Variants in RNF10 observed in about 807,000 individuals in gnomAD.
The protein encoded by RNF10 is E3 ubiquitin-protein ligase RNF10.
Under a neutral mutation model 91.4 loss-of-function variants are expected in RNF10, and 38 were observed. The observed-to-expected ratio is 0.42, with a 90% confidence interval of 0.32 to 0.54. RNF10 has a LOEUF of 0.54. Ranked by LOEUF, RNF10 falls within the 20% of genes least tolerant of loss-of-function variation. The pLI is 0.16. For synonymous variants in RNF10, 364 were observed against 366.3 expected, an observed-to-expected ratio of 0.99 and a Z score of 0.07; for missense variants, 945 against 1,012.0, an observed-to-expected ratio of 0.93 and a Z score of 0.90.
At position 120,536,647 on chromosome 12, in the gene RNF10, A is replaced by G. The variant is rs368186683; in HGVS notation, c.157+1679A>G. Among the ~76,000 whole-genome samples, 31 of 152,292 alleles carry G rather than the reference A, an allele frequency of 2.0e-4. No homozygotes were observed. In the South Asian group the frequency reaches 3.5e-3, roughly 17 times the overall value. ...GCGTAGCTTTGCCATAGATCCCTCAAAAGATAGAAGGTAACCAGTCCTTTT... is the reference window on the plus strand; with the variant it reads ...GCGTAGCTTTGCCATAGATCCCTCAGAAGATAGAAGGTAACCAGTCCTTTT... On this transcript the variant is annotated intron_variant, in intron 1 of 16. Coordinates refer to ENST00000325954, the MANE Select transcript of RNF10 (RefSeq NM_014868.5).
Position 120,557,572 on chromosome 12 carries a change from A to G in RNF10, c.857A>G (p.Tyr286Cys). 1.2e-6 allele frequency: 2 copies of G among 1,614,214 alleles called. No individual in the cohort carries two copies. The highest frequency in any genetic ancestry group is 1.7e-6 in the Non-Finnish European group (2 of 1,180,024). The change falls in exon 6 of 17, where the codon TAT becomes TGT. Residue 286 changes from tyrosine to cysteine, a missense_variant. Coordinates refer to ENST00000325954, the MANE Select transcript of RNF10 (RefSeq NM_014868.5). ...GTTGTTGCCACAGAGTCACATCAGT[A>G]TGTTGTTGGTGATACCATTACGATG... is the stretch of plus-strand genomic sequence containing the variant. ...KSVVATESHQ[Y>C]VVGDTITMQL... is the part of the protein sequence containing the mutation.
At chr12:120,542,934 A>G (rs1381074219) in intron 1 of RNF10, among the ~76,000 whole-genome samples, 2 of 152,092 alleles carry the variant, frequency 1.3e-5, no homozygotes, top group Admixed American at 1.3e-4. Context: ...TGTTTCTGTG[A>G]CTGTTCTGTT....
At position 120,557,427 on chromosome 12, in the gene RNF10, C is replaced by T. The variant is rs993702243; in HGVS notation, c.791C>T (p.Pro264Leu). The change falls in exon 5 of 17, where the codon CCC (proline) becomes CTC (leucine). Residue 264 changes from proline to leucine, a missense_variant. Coordinates refer to ENST00000325954, the MANE Select transcript of RNF10 (RefSeq NM_014868.5). ...SLSEKTWSKC[P>L]ICYSSVHKKD... ...AGTGAGAAGACGTGGAGTAAATGTC[C>T]CATCTGTTACAGTTCTGTGCATAAG... 6.2e-7 allele frequency: 1 copy of T among 1,614,056 alleles called. No individual in the cohort carries two copies. The highest frequency in any genetic ancestry group is 8.5e-7 in the Non-Finnish European group (1 of 1,180,022).
chr12:120,563,673 G>A, intron 9 of RNF10, 50 bp downstream of exon 9: 1 of 1,569,252 alleles, frequency 6.4e-7, no homozygotes, highest in Non-Finnish European at 8.6e-7. Flanking sequence ...TGTTTCAGAG[G>A]TGACCCGGTG....
At chr12:120,538,048 A>G (rs1207775985) in intron 1 of RNF10, among the ~76,000 whole-genome samples, 1 of 152,186 alleles carries the variant, frequency 6.6e-6, no homozygotes, top group Non-Finnish European at 1.5e-5. Flanking sequence ...GCTCCGCATA[A>G]TCCCATAAAA....
intron 6 of RNF10, among the ~76,000 whole-genome samples, chr12:120,558,369 A>C (rs1162627113): frequency 6.6e-6 from 1 of 151,986 alleles, no homozygotes; most frequent in Non-Finnish European, 1.5e-5. Flanking sequence ...TTTGGGTGGT[A>C]AATGTGTGTG....
intron 2 of RNF10, among the ~76,000 whole-genome samples, chr12:120,547,559 G>A (rs1872511867): frequency 6.6e-6 from 1 of 152,152 alleles, no homozygotes; most frequent in Non-Finnish European, 1.5e-5. Context: ...CTCCCAAAGT[G>A]CTGGGATTAC....
At chr12:120,563,252 C>G in intron 8 of RNF10, 95 bp from the exon 9 acceptor site, 1 of 1,494,904 alleles carries the variant, frequency 6.7e-7, no homozygotes, top group Admixed American at 1.9e-5. Context: ...CTAAGATAAA[C>G]ATCTAGGGAG....
chr12:120,557,132 G>T, intron 4 of RNF10, 150 bp from the exon 5 acceptor site: 8 of 626,714 alleles, frequency 1.3e-5, no homozygotes, highest in Non-Finnish European at 1.9e-5. Flanking sequence ...TACCTACGTT[G>T]TAAACAATTT....
intron 1 of RNF10, among the ~76,000 whole-genome samples, chr12:120,538,348 T>G (rs1226849404): frequency 2.6e-5 from 4 of 152,188 alleles, no homozygotes; most frequent in Middle Eastern, 3.2e-3. Context: ...ATTAATTTCT[T>G]TGAGATTTTG....
At chr12:120,555,518 G>A (rs1423700120) in intron 4 of RNF10, among the ~76,000 whole-genome samples, 6 of 123,430 alleles carry the variant, frequency 4.9e-5, no homozygotes, top group African/African-American at 9.5e-5. Flanking sequence ...ACGGAGTTTC[G>A]CTCTTGTTGC....
intron 13 of RNF10, 78 bp from the exon 14 acceptor site, chr12:120,571,113 C>A (rs962371357): frequency 1.1e-6 from 1 of 876,004 alleles, no homozygotes; most frequent in Non-Finnish European, 1.8e-6. Flanking sequence ...AGACCTGACT[C>A]AGGGCTCACT....
chr12:120,567,139 T>G (rs1035999221), intron 13 of RNF10, among the ~76,000 whole-genome samples, 159 bp downstream of exon 13: 3 of 152,196 alleles, frequency 2.0e-5, no homozygotes, highest in Non-Finnish European at 4.4e-5. Context: ...TTTATTCATC[T>G]TTCCCACTTG....
chr12:120,569,538 CTT>C (rs58304342), intron 13 of RNF10, among the ~76,000 whole-genome samples: 1 of 115,232 alleles, frequency 8.7e-6, no homozygotes. Context: ...TGATATGCAT[CTT>C]TTTTTTTTTG....
intron 2 of RNF10, among the ~76,000 whole-genome samples, chr12:120,547,083 A>G (rs1050133202): frequency 6.6e-6 from 1 of 152,188 alleles, no homozygotes; most frequent in Admixed American, 6.5e-5. Flanking sequence ...GAAATAACCT[A>G]AATGCCTATC....
Position 120,576,466 on chromosome 12 carries a change from C to T in RNF10, c.2360-124C>T, listed in dbSNP as rs550608120. 4.6e-3 allele frequency: 6,471 copies of T among 1,409,258 alleles called. 30 individuals are homozygous for T. Among genetic ancestry groups the T allele is most frequent in the Non-Finnish European group, 5.7e-3 (6,083 of 1,058,062 alleles). 87.3% of individuals were successfully genotyped at this position (1,409,258 alleles called of 1,614,324 possible). A position where few individuals can be genotyped will look rare whatever the true frequency, so the allele number is the denominator to read the frequency against. On this transcript the variant is annotated intron_variant, in intron 16 of 16. Transcript: ENST00000325954. ...TGTATACCAAGACTGGTATTGGCAT[C>T]TAGGCAGTCTAATTCCAGAGCCTCC... is the stretch of plus-strand genomic sequence containing the variant.
At chr12:120,559,012 TTAAAA>T (rs1290849391) in intron 6 of RNF10, among the ~76,000 whole-genome samples, 4 of 151,100 alleles carry the variant, frequency 2.6e-5, no homozygotes, top group African/African-American at 9.7e-5. Context: ...ATTAAATTCA[TTAAAA>T]TAATTAAAAT....
At chr12:120,537,267 C>G (rs1432136865) in intron 1 of RNF10, among the ~76,000 whole-genome samples, 1 of 151,848 alleles carries the variant, frequency 6.6e-6, no homozygotes, top group Non-Finnish European at 1.5e-5. Flanking sequence ...GAGCCACGAT[C>G]ACTCCACTGC....
chr12:120,572,103 G>A (rs1876724222), intron 14 of RNF10, among the ~76,000 whole-genome samples: 1 of 143,684 alleles, frequency 7.0e-6, no homozygotes, highest in Non-Finnish European at 1.5e-5. Context: ...GAGTCTCCCT[G>A]TCCCCCAGGC....
Sources: gnomAD v4.1 joint callset for allele counts (sites outside exome capture counted in the v4.1 genomes callset) on GRCh38, gnomAD v4.1.1 for gene constraint, MANE v1.5 for transcripts, NCBI Gene and HGNC (gene_info 2026-07-23, HGNC 2026-07-21) for gene names.